Variants in GRID2 observed in about 807,000 individuals in gnomAD.
The protein encoded by GRID2 is glutamate receptor ionotropic, delta-2.
In GRID2, 33 loss-of-function variants were observed where a neutral mutation model predicts 114.8. The ratio of observed to expected loss-of-function variants is 0.29; its 90% CI spans 0.22 to 0.38. The LOEUF (loss-of-function observed/expected upper bound fraction) is 0.38. Ranked by LOEUF, GRID2 falls within the 10% of genes least tolerant of loss-of-function variation. GRID2 has a pLI of 1.00. For synonymous variants in GRID2, 505 were observed against 449.9 expected, an observed-to-expected ratio of 1.12 and a Z score of -1.55; for missense variants, 1,184 against 1,257.7, an observed-to-expected ratio of 0.94 and a Z score of 0.89.
chr4:93,042,291 CTCTCTCTCTATA>C (rs1333819826), intron 2 of GRID2, among the ~76,000 whole-genome samples: 14 of 86,574 alleles, frequency 1.6e-4, no homozygotes, highest in South Asian at 1.6e-3. Flanking sequence ...CTCTCTCTCT[CTCTCTCTCTATA>C]TATATATATA....
intron 2 of GRID2, among the ~76,000 whole-genome samples, chr4:92,597,813 A>C (rs949845959): frequency 6.6e-6 from 1 of 152,176 alleles, no homozygotes; most frequent in African/African-American, 2.4e-5. Flanking sequence ...TTTGATTAAA[A>C]ACCACATTTA....
intron 1 of GRID2, among the ~76,000 whole-genome samples, chr4:92,539,438 TTATAA>T (rs753410854): frequency 3.9e-5 from 6 of 152,276 alleles, no homozygotes; most frequent in East Asian, 1.9e-4. Flanking sequence ...ATAATTTTTC[TTATAA>T]TATTAATCTA....
chr4:93,677,825 TG>T (rs987470433), intron 14 of GRID2, among the ~76,000 whole-genome samples: 1 of 151,782 alleles, frequency 6.6e-6, no homozygotes, highest in African/African-American at 2.4e-5. Flanking sequence ...ACCACAAAGA[TG>T]GGGAAAAAAC....
intron 4 of GRID2, among the ~76,000 whole-genome samples, chr4:93,116,751 GT>G (rs34044500): frequency 5.1e-4 from 74 of 145,576 alleles, no homozygotes; most frequent in Non-Finnish European, 5.0e-4. Context: ...AAGGAAGAGG[GT>G]TTTTTTTTTT....
intron 14 of GRID2, among the ~76,000 whole-genome samples, chr4:93,732,330 CT>C (rs1013644825): frequency 6.6e-5 from 10 of 152,176 alleles, no homozygotes; most frequent in Admixed American, 3.3e-4. Context: ...CTCAGTAACT[CT>C]TTAAGTTGTA....
intron 2 of GRID2, among the ~76,000 whole-genome samples, chr4:92,600,773 G>T (rs980249973): frequency 1.3e-5 from 2 of 152,174 alleles, no homozygotes; most frequent in East Asian, 3.9e-4. Context: ...CGGGATCTCC[G>T]TCGCAGAGGG....
At chr4:93,102,081 CT>C (rs1303036180) in intron 3 of GRID2, among the ~76,000 whole-genome samples, 8 of 152,126 alleles carry the variant, frequency 5.3e-5, no homozygotes, top group African/African-American at 1.9e-4. Flanking sequence ...GACCCTTTCT[CT>C]TACAAATAGC....
chr4:92,773,583 A>C (rs1045545727), intron 2 of GRID2, among the ~76,000 whole-genome samples: 1 of 152,016 alleles, frequency 6.6e-6, no homozygotes, highest in Admixed American at 6.6e-5. Flanking sequence ...ATCTAATTTA[A>C]TATATCACAA....
intron 8 of GRID2, among the ~76,000 whole-genome samples, chr4:93,325,607 T>G (rs938773700): frequency 7.2e-5 from 11 of 152,062 alleles, no homozygotes; most frequent in Admixed American, 5.9e-4. Context: ...AATTATAACA[T>G]TTTTCATTAC....
chr4:93,645,334 TG>T, intron 14 of GRID2, among the ~76,000 whole-genome samples: 1 of 152,188 alleles, frequency 6.6e-6, no homozygotes, highest in African/African-American at 2.4e-5. Flanking sequence ...ATGTTGAACT[TG>T]GGGCACCAGA....
At chr4:92,795,631 T>C (rs942462434) in intron 2 of GRID2, among the ~76,000 whole-genome samples, 1 of 152,010 alleles carries the variant, frequency 6.6e-6, no homozygotes, top group African/African-American at 2.4e-5. Context: ...CAATCCTTCT[T>C]ACACCATGTG....
In GRID2 at chr4:93,539,800, G is replaced by GT. The variant is rs200001214; in HGVS notation, c.2193+24397dup. ...GAGATGTCAGAAATATGTCTGATGG[G>GT]TTTTTTTTGTTTGTTTGTTTGTGTG... is the stretch of plus-strand genomic sequence containing the variant. On this transcript the variant is annotated intron_variant, in intron 13 of 15. Coordinates refer to ENST00000282020, the MANE Select transcript of GRID2 (RefSeq NM_001510.4). Among the ~76,000 whole-genome samples the GT allele has an allele frequency of 8.6e-5, 13 of 151,610 alleles. 1 individual carries two copies. In the East Asian group the frequency reaches 9.7e-4, roughly 11 times the overall value.
In GRID2 at chr4:93,412,240, C is replaced by CA. The variant is rs199518860; in HGVS notation, c.1348-10522dup. Among the ~76,000 whole-genome samples the CA allele has an allele frequency of 7.9e-3, 1,154 of 145,568 alleles. 56 individuals carry two copies. In the East Asian group the frequency reaches 0.13, roughly 16 times the overall value. On this transcript the variant is annotated intron_variant, in intron 9 of 15. Coordinates refer to ENST00000282020, the MANE Select transcript of GRID2 (RefSeq NM_001510.4). The stretch of plus-strand genomic sequence containing the variant: ...CATAGTAAGACCCATCCCCCCCCCC[C>CA]AAAAAAAAATACCAGGCATAACAGT...
chr4:93,234,918 T>A (rs1050079581), intron 7 of GRID2, among the ~76,000 whole-genome samples: 1 of 152,050 alleles, frequency 6.6e-6, no homozygotes, highest in Non-Finnish European at 1.5e-5. Context: ...TATAAGGAAA[T>A]TAGACGAGTA....
chr4:93,068,150 A>T (rs1000500465), intron 2 of GRID2, among the ~76,000 whole-genome samples: 1 of 152,096 alleles, frequency 6.6e-6, no homozygotes, highest in Non-Finnish European at 1.5e-5. Flanking sequence ...AATGCATTTT[A>T]TGCTAAGCTA....
chr4:93,717,621 G>A (rs185237424), intron 14 of GRID2, among the ~76,000 whole-genome samples: 78 of 151,956 alleles, frequency 5.1e-4, no homozygotes, highest in African/African-American at 1.5e-3. Flanking sequence ...GTGTATTTTC[G>A]TCTATATTTA....
chr4:92,776,334 C>T (rs560955260), intron 2 of GRID2, among the ~76,000 whole-genome samples: 10 of 152,142 alleles, frequency 6.6e-5, no homozygotes, highest in South Asian at 2.1e-4. Context: ...TATAGTGAGT[C>T]GTATTTGCTC....
chr4:92,515,928 A>T (rs901685837), intron 1 of GRID2, among the ~76,000 whole-genome samples: 1 of 151,932 alleles, frequency 6.6e-6, no homozygotes, highest in South Asian at 2.1e-4. Flanking sequence ...AGATTTTTTT[A>T]AAAAATTGAT....
chr4:92,462,946 A>G (rs995323692), intron 1 of GRID2, among the ~76,000 whole-genome samples: 2 of 151,946 alleles, frequency 1.3e-5, no homozygotes, highest in African/African-American at 4.8e-5. Context: ...ATTTGCGTAG[A>G]TATTTATTTC....
Sources: gnomAD v4.1 joint callset for allele counts (sites outside exome capture counted in the v4.1 genomes callset) on GRCh38, gnomAD v4.1.1 for gene constraint, MANE v1.5 for transcripts, NCBI Gene and HGNC (gene_info 2026-07-23, HGNC 2026-07-21) for gene names.